The following PDE1A variants were observed in gnomAD, a reference collection of about 807,000 sequenced individuals.
PDE1A encodes dual specificity calcium/calmodulin-dependent 3',5'-cyclic nucleotide phosphodiesterase 1A.
Under a neutral mutation model 61.7 loss-of-function variants are expected in PDE1A, and 35 were observed. The observed-to-expected ratio is 0.57, with a 90% CI of 0.43 to 0.75. The LOEUF (loss-of-function observed/expected upper bound fraction) is 0.75, where lower values mean the gene tolerates loss of function less well. Ranked by LOEUF, PDE1A falls within the 30% of genes least tolerant of loss-of-function variation. PDE1A has a pLI of 0.00. For missense variants in PDE1A, 597 were observed against 630.6 expected (o/e 0.95, Z 0.57); for synonymous variants, 232 against 213.2 (o/e 1.09, Z -0.77).
chr2:182,188,982 T>G, exon 11 of PDE1A: 4 of 1,608,456 alleles, frequency 2.5e-6, no homozygotes, highest in Non-Finnish European at 3.4e-6. Context: ...GAATTACCTA[T>G]TTGTGACTGG....
Position 182,240,221 on chromosome 2 carries a change from C to T in PDE1A, c.239G>A (p.Trp80Ter). 6.2e-7 allele frequency: 1 copy of T among 1,613,720 alleles called. No homozygotes were observed. ...TTTCCGTGTAAAGGTAGAAGCCAAC[C>T]AGTCCCGGACTTCAGATGGGACTGA... is the stretch of plus-strand genomic sequence containing the variant. Residue 80 changes from tryptophan (W) to a stop codon, truncating the protein, a stop_gained, in exon 3 of 14, where the codon TGG (tryptophan) becomes TAG (stop). Coordinates refer to ENST00000351439, the Ensembl canonical transcript of PDE1A. LOFTEE classifies it high-confidence loss of function.
upstream of PDE1A, among the ~76,000 whole-genome samples, chr2:182,430,770 T>C (rs1703896858): frequency 7.4e-6 from 1 of 135,758 alleles, no homozygotes; most frequent in Non-Finnish European, 1.6e-5. Context: ...TGGAATACTA[T>C]GCAGCCATAA....
chr2:182,479,187 GA>G (rs1375103802), intron 2 of PDE1A, among the ~76,000 whole-genome samples: 2 of 151,782 alleles, frequency 1.3e-5, no homozygotes, highest in Non-Finnish European at 2.9e-5. Context: ...AAAGTGTTAG[GA>G]TTTTCTTAGA....
intron 2 of PDE1A, among the ~76,000 whole-genome samples, chr2:182,493,538 C>T (rs1688527257): frequency 1.3e-5 from 2 of 152,036 alleles, no homozygotes; most frequent in South Asian, 4.2e-4. Context: ...AGTGTTAGAA[C>T]TAGAAATACC....
chr2:182,555,947 C>T, the PDE1A span, among the ~76,000 whole-genome samples: 1 of 103,436 alleles, frequency 9.7e-6, no homozygotes, highest in Non-Finnish European at 1.7e-5. Flanking sequence ...AGCCTGGAGA[C>T]AGAGGGAAAC....
exon 3 of PDE1A, chr2:182,240,146 A>G: frequency 6.2e-7 from 1 of 1,613,992 alleles, no homozygotes; most frequent in Non-Finnish European, 8.5e-7. Flanking sequence ...AGCATGCACA[A>G]TGCTCCGAAA....
chr2:182,291,381 C>A (rs1314608776), intron 1 of PDE1A, among the ~76,000 whole-genome samples: 1 of 152,174 alleles, frequency 6.6e-6, no homozygotes, highest in East Asian at 1.9e-4. Flanking sequence ...TTTGTGAGAT[C>A]CTTCATGACC....
intron 13 of PDE1A, among the ~76,000 whole-genome samples, chr2:182,168,993 T>TGTAA (rs1691868857): frequency 6.6e-6 from 1 of 152,072 alleles, no homozygotes; most frequent in Non-Finnish European, 1.5e-5. Flanking sequence ...TGCATGTGTG[T>TGTAA]GTAAGTGTAT....
chr2:182,448,038 A>G (rs1685256948), intron 2 of PDE1A, among the ~76,000 whole-genome samples: 2 of 151,992 alleles, frequency 1.3e-5, no homozygotes, highest in South Asian at 2.1e-4. Context: ...CGTTACTGCT[A>G]TTTTCCCACA....
At chr2:182,350,682 A>G (rs1698821665) in intron 1 of PDE1A, among the ~76,000 whole-genome samples, 1 of 152,184 alleles carries the variant, frequency 6.6e-6, no homozygotes, top group Non-Finnish European at 1.5e-5. Flanking sequence ...TTCACAGTCA[A>G]GAAGAGTGGT....
chr2:182,651,414 T>G, the PDE1A span, among the ~76,000 whole-genome samples: 1 of 152,262 alleles, frequency 6.6e-6, no homozygotes, highest in Admixed American at 6.5e-5. Context: ...TACAAAAATG[T>G]ATCTCTTTAC....
chr2:182,304,922 C>T (rs1236191343), intron 1 of PDE1A, among the ~76,000 whole-genome samples: 1 of 152,142 alleles, frequency 6.6e-6, no homozygotes, highest in Non-Finnish European at 1.5e-5. Flanking sequence ...CACTGATAGA[C>T]TTGCTTGATG....
At chr2:182,645,620 T>C in the PDE1A span, among the ~76,000 whole-genome samples, 1 of 152,148 alleles carries the variant, frequency 6.6e-6, no homozygotes, top group African/African-American at 2.4e-5. Flanking sequence ...TCAAAATCAT[T>C]ATGCTCAAAA....
downstream of PDE1A, among the ~76,000 whole-genome samples, chr2:182,163,656 C>G (rs774328884): frequency 1.3e-5 from 2 of 152,106 alleles, no homozygotes; most frequent in Non-Finnish European, 2.9e-5. Context: ...CTGGCCCCTC[C>G]TATAACTGAG....
chr2:182,644,044 G>A, the PDE1A span, among the ~76,000 whole-genome samples: 2 of 150,136 alleles, frequency 1.3e-5, no homozygotes, highest in Non-Finnish European at 3.0e-5. Context: ...ACTACAGTTT[G>A]CCTCAAGTGA....
rs577967735 is a variant in PDE1A at position 182,513,425 on chromosome 2, G to A, written c.101+8851C>T. On this transcript the variant is annotated intron_variant, in intron 2 of 14. Transcript: ENST00000410103. ...AAGGGAATTTGTTACCACCATACCT[G>A]CTTTACAAGAGGTCCTTAAGGGAGT... Among the ~76,000 whole-genome samples, 5 of 152,302 alleles carry A rather than the reference G, an allele frequency of 3.3e-5. No homozygotes were observed. The South Asian group carries it at 1.0e-3, about 32-fold the overall frequency.
the PDE1A span, among the ~76,000 whole-genome samples, chr2:182,698,820 A>G: frequency 1.3e-5 from 2 of 152,334 alleles, no homozygotes; most frequent in East Asian, 1.9e-4. Context: ...AAAGGGATAA[A>G]ACTGCCTGGC....
At chr2:182,170,066 C>G (rs1013913443) in intron 13 of PDE1A, among the ~76,000 whole-genome samples, 2 of 151,982 alleles carry the variant, frequency 1.3e-5, no homozygotes, top group Non-Finnish European at 2.9e-5. Flanking sequence ...TTTGAGCACA[C>G]TTTTTGCTCT....
At chr2:182,501,991 CAG>C (rs1204595321) in intron 2 of PDE1A, among the ~76,000 whole-genome samples, 1 of 152,156 alleles carries the variant, frequency 6.6e-6, no homozygotes, top group African/African-American at 2.4e-5. Context: ...AAAAGGCACA[CAG>C]GGACACAGAT....
Sources: gnomAD v4.1 joint callset for allele counts (sites outside exome capture counted in the v4.1 genomes callset) on GRCh38, gnomAD v4.1.1 for gene constraint, MANE v1.5 for transcripts, NCBI Gene and HGNC (gene_info 2026-07-23, HGNC 2026-07-21) for gene names.